ASIP: variants seen among roughly 807,000 people sequenced by gnomAD.
The protein encoded by ASIP is agouti-signaling protein.
In ASIP, 11 loss-of-function variants were observed where a neutral mutation model predicts 10.3. That is an observed-to-expected ratio of 1.07 (90% CI 0.68 to 1.78). ASIP has a LOEUF of 1.78. Among genes scored for constraint, ASIP ranks in the 40% most tolerant of loss-of-function variants. The pLI, the probability that ASIP is intolerant of heterozygous loss-of-function variation, is 0.00. For synonymous variants in ASIP, 70 were observed against 70.8 expected, an observed-to-expected ratio of 0.99 and a Z score of 0.06; for missense variants, 180 against 169.2, an observed-to-expected ratio of 1.06 and a Z score of -0.35.
intron 1 of ASIP, among the ~76,000 whole-genome samples, chr20:34,224,876 C>T (rs2035082008): frequency 6.9e-6 from 1 of 145,438 alleles, no homozygotes; most frequent in African/African-American, 2.5e-5. Context: ...TTTTAGTTCC[C>T]TAATTTTTTG....
At chr20:34,213,668 C>G (rs1218079903) in intron 1 of ASIP, 14 of 1,554,162 alleles carry the variant, frequency 9.0e-6, no homozygotes, top group Middle Eastern at 1.7e-4. Flanking sequence ...GCTTCACAAT[C>G]TTTGAGTATA....
At chr20:34,200,562 T>C (rs1308366820) in intron 1 of ASIP, among the ~76,000 whole-genome samples, 1 of 152,262 alleles carries the variant, frequency 6.6e-6, no homozygotes, top group East Asian at 1.9e-4. Flanking sequence ...CCCCAAATTG[T>C]AGTTTTTGAA....
chr20:34,187,872 T>C, the ASIP span, among the ~76,000 whole-genome samples: 1 of 152,210 alleles, frequency 6.6e-6, no homozygotes, highest in Non-Finnish European at 1.5e-5. Flanking sequence ...TAGTTATTTA[T>C]GAAAAGCCAG....
chr20:34,256,972 C>T (rs775812963), intron 1 of ASIP, among the ~76,000 whole-genome samples: 1 of 152,000 alleles, frequency 6.6e-6, no homozygotes, highest in Non-Finnish European at 1.5e-5. Flanking sequence ...TCAGAGCTTC[C>T]CACCACATTC....
At chr20:34,255,590 A>G (rs1029065365) in intron 1 of ASIP, among the ~76,000 whole-genome samples, 22 of 152,382 alleles carry the variant, frequency 1.4e-4, no homozygotes, top group Admixed American at 3.9e-4. Context: ...TATGAATATC[A>G]TTAATCATTA....
At chr20:34,226,825 G>C (rs950530320) in intron 1 of ASIP, among the ~76,000 whole-genome samples, 10 of 152,088 alleles carry the variant, frequency 6.6e-5, no homozygotes, top group Admixed American at 6.6e-4. Flanking sequence ...CTGGCCTCAA[G>C]TGATCCTCCC....
At chr20:34,194,322 C>T (rs1316641647), upstream of ASIP, among the ~76,000 whole-genome samples, 3 of 151,954 alleles carry the variant, frequency 2.0e-5, no homozygotes, top group Non-Finnish European at 2.9e-5. Context: ...TGGTGAGTCT[C>T]GAAATTTTTA....
chr20:34,208,555 G>C (rs980571892), intron 1 of ASIP, among the ~76,000 whole-genome samples: 2 of 152,036 alleles, frequency 1.3e-5, no homozygotes, highest in African/African-American at 4.8e-5. Flanking sequence ...GGGTCTTACT[G>C]TGTGCCTCGG....
chr20:34,242,458 C>T (rs1188543713), intron 1 of ASIP, among the ~76,000 whole-genome samples: 6 of 152,164 alleles, frequency 3.9e-5, no homozygotes, highest in Admixed American at 1.3e-4. Context: ...GTCTCAAACT[C>T]CTGGCCTCAG....
intron 1 of ASIP, among the ~76,000 whole-genome samples, chr20:34,235,501 G>A (rs970613079): frequency 3.9e-5 from 6 of 152,038 alleles, no homozygotes; most frequent in African/African-American, 1.2e-4. Context: ...AAAAGTTCAC[G>A]AAGGTTCTAT....
intron 1 of ASIP, among the ~76,000 whole-genome samples, chr20:34,209,002 G>T (rs1442997949): frequency 6.6e-6 from 1 of 152,196 alleles, no homozygotes; most frequent in Non-Finnish European, 1.5e-5. Flanking sequence ...TTCCAATAGG[G>T]TTTTGGTGGA....
chr20:34,239,295 C>T (rs1462643583), upstream of ASIP, among the ~76,000 whole-genome samples: 1 of 152,006 alleles, frequency 6.6e-6, no homozygotes, highest in Non-Finnish European at 1.5e-5. Context: ...TGGCTCACCG[C>T]AACCTCTGCC....
chr20:34,192,927 C>T (rs1188369818), upstream of ASIP, among the ~76,000 whole-genome samples: 1 of 152,168 alleles, frequency 6.6e-6, no homozygotes, highest in Non-Finnish European at 1.5e-5. Flanking sequence ...ATATCCATCA[C>T]CTCAAGCGTT....
At chr20:34,238,195 A>T (rs1321018914), upstream of ASIP, among the ~76,000 whole-genome samples, 3 of 152,046 alleles carry the variant, frequency 2.0e-5, no homozygotes, top group Non-Finnish European at 1.5e-5. Flanking sequence ...CTTTAATCAA[A>T]CTTTGGAAGT....
chr20:34,261,667 T>A (rs1248825108), intron 2 of ASIP, among the ~76,000 whole-genome samples: 1 of 151,084 alleles, frequency 6.6e-6, no homozygotes, highest in Non-Finnish European at 1.5e-5. Flanking sequence ...CCGGGAATGG[T>A]GGTGCATGCC....
chr20:34,269,125 C>T lies in ASIP; in HGVS notation c.357C>T (p.Phe119=), dbSNP rs768466168. 1,021 of 1,556,916 alleles carry T rather than the reference C, an allele frequency of 6.6e-4. 2 individuals are homozygous for T. The highest frequency in any genetic ancestry group is 8.1e-4 in the Non-Finnish European group (928 of 1,150,942). ...DPCASCQCRF[F]RSACSCRVLS... ...GCGCCTCCTGCCAGTGCCGCTTCTT[C>T]CGCAGCGCCTGCTCCTGCCGCGTGC... The change falls in exon 4 of 4, where the codon TTC becomes TTT. Residue 119 remains phenylalanine, a synonymous_variant. Transcript: ENST00000374954.
intron 1 of ASIP, among the ~76,000 whole-genome samples, chr20:34,242,843 G>C (rs1413138573): frequency 1.3e-5 from 2 of 152,216 alleles, no homozygotes; most frequent in Non-Finnish European, 2.9e-5. Flanking sequence ...TGCTTAATGA[G>C]TGCTTGTGCA....
chr20:34,202,539 C>T (rs2034906411), intron 1 of ASIP, among the ~76,000 whole-genome samples: 1 of 151,870 alleles, frequency 6.6e-6, no homozygotes, highest in Non-Finnish European at 1.5e-5. Flanking sequence ...TCAAGTTTCC[C>T]TTTTTTTTCT....
chr20:34,240,553 C>T (rs2035270797), upstream of ASIP, among the ~76,000 whole-genome samples: 1 of 152,024 alleles, frequency 6.6e-6, no homozygotes, highest in African/African-American at 2.4e-5. Flanking sequence ...ACCAATATTC[C>T]TGCAAAAAAA....
Sources: allele counts gnomAD v4.1 joint callset (sites outside exome capture counted in the v4.1 genomes callset), GRCh38; gene constraint gnomAD v4.1.1; transcripts MANE v1.5; gene names NCBI Gene and HGNC (gene_info 2026-07-23, HGNC 2026-07-21).